The following HS6ST2 variants were observed in gnomAD, a reference collection of about 807,000 sequenced individuals.
HS6ST2 encodes heparan sulfate 6-O-sulfotransferase 2.
In HS6ST2, 17 loss-of-function variants were observed where a neutral mutation model predicts 33.0. The observed-to-expected ratio is 0.52, with a 90% CI of 0.35 to 0.77. HS6ST2 has a LOEUF of 0.77. HS6ST2 is among the 30% of genes least tolerant of loss of function. The pLI is 0.01. For synonymous variants in HS6ST2, 248 were observed against 237.1 expected, an observed-to-expected ratio of 1.05 and a Z score of -0.42; for missense variants, 519 against 551.7, an observed-to-expected ratio of 0.94 and a Z score of 0.59.
rs775137041 is a variant in HS6ST2 at position 132,894,543 on chromosome X, AT to A, written c.947+62264del. On this transcript the variant is annotated intron_variant, in intron 2 of 4. Coordinates refer to ENST00000370833, the MANE Select transcript of HS6ST2 (RefSeq NM_001394073.1). ...ATGTTATGTTATTTATTTTGATGTT[AT>A]TTTCTTTTCTGAGATGGAGTCTTGT... is the stretch of plus-strand genomic sequence containing the variant. Among the ~76,000 whole-genome samples the A allele has an allele frequency of 3.8e-4, 41 of 106,855 alleles. 1 individual carries two copies. In the Middle Eastern group the frequency reaches 0.03, roughly 79 times the overall value. 92.8% of individuals were successfully genotyped at this position (106,855 alleles called of 115,157 possible).
intron 4 of HS6ST2, among the ~76,000 whole-genome samples, chrX:132,648,603 G>A (rs1603291563): frequency 1.8e-5 from 2 of 108,260 alleles, no homozygotes; most frequent in African/African-American, 6.7e-5. Context: ...GTAGGCAGAT[G>A]TAGAACAGTC....
intron 2 of HS6ST2, among the ~76,000 whole-genome samples, chrX:132,765,901 A>T (rs1410072193): frequency 8.9e-6 from 1 of 112,109 alleles, no homozygotes; most frequent in Non-Finnish European, 1.9e-5. Context: ...AAGTTTAGGA[A>T]ACCAAGGCCC....
chrX:132,760,838 A>T (rs925075337), intron 2 of HS6ST2, among the ~76,000 whole-genome samples: 4 of 111,280 alleles, frequency 3.6e-5, no homozygotes, highest in Non-Finnish European at 7.5e-5. Context: ...AGGGAAAAAA[A>T]GGAATTTGAG....
intron 3 of HS6ST2, chrX:132,669,560 C>G (rs1385881139): frequency 8.0e-6 from 1 of 125,401 alleles, no homozygotes; most frequent in Non-Finnish European, 1.6e-5. Context: ...CCTTTCTTTC[C>G]AGGCACTGAA....
chrX:132,943,146 TA>T (rs939466782), intron 2 of HS6ST2, among the ~76,000 whole-genome samples: 10 of 112,162 alleles, frequency 8.9e-5, no homozygotes, highest in African/African-American at 3.2e-4. Context: ...GGTGTTTTTT[TA>T]AAAACAAGCT....
At chrX:132,941,480 G>T (rs1016622343) in intron 2 of HS6ST2, among the ~76,000 whole-genome samples, 6 of 112,155 alleles carry the variant, frequency 5.3e-5, no homozygotes, top group African/African-American at 1.9e-4. Context: ...TAAATAGAAG[G>T]CTCAGTCAAA....
At chrX:132,839,317 C>T (rs5930580) in intron 2 of HS6ST2, among the ~76,000 whole-genome samples, 1,375 of 20,317 alleles carry the variant, frequency 0.068, 19 homozygotes, top group South Asian at 0.18. Flanking sequence ...TATATATATA[C>T]ACACACATGT....
rs770979133 is a variant in HS6ST2, at chrX:132,694,714, T to C, written c.980+13748A>G. 5.4e-5 allele frequency among the ~76,000 whole-genome samples: 6 copies of C among 111,407 alleles called. No individual in the cohort carries two copies. The South Asian group carries it at 2.3e-3, about 43-fold the overall frequency. On this transcript the variant is annotated intron_variant, in intron 3 of 4. Transcript: ENST00000370833. ...CTTTTACAGAAGCCCATGTAAGAAA[T>C]GATGGCGGCTTGGACTAGGATGACA...
intron 2 of HS6ST2, among the ~76,000 whole-genome samples, chrX:132,886,552 A>C: frequency 9.0e-6 from 1 of 111,209 alleles, no homozygotes; most frequent in East Asian, 2.8e-4. Context: ...AATTTGATTA[A>C]AAAATAAATA....
At chrX:132,873,426 C>A (rs2066082541) in intron 2 of HS6ST2, among the ~76,000 whole-genome samples, 1 of 111,850 alleles carries the variant, frequency 8.9e-6, no homozygotes. Context: ...TTTTCCCATG[C>A]CCTCAGACCT....
At chrX:132,728,415 G>C (rs1378828866) in intron 2 of HS6ST2, among the ~76,000 whole-genome samples, 1 of 112,018 alleles carries the variant, frequency 8.9e-6, no homozygotes, top group Non-Finnish European at 1.9e-5. Flanking sequence ...GCTGGTGGGA[G>C]AAACAAAACA....
chrX:132,813,585 G>A (rs1212035370), intron 2 of HS6ST2, among the ~76,000 whole-genome samples: 1 of 111,236 alleles, frequency 9.0e-6, no homozygotes, highest in East Asian at 2.8e-4. Context: ...TCTTATCTCA[G>A]TCCATCAGTT....
At chrX:132,794,955 C>G (rs1226093391) in intron 2 of HS6ST2, among the ~76,000 whole-genome samples, 2 of 110,490 alleles carry the variant, frequency 1.8e-5, no homozygotes, top group Non-Finnish European at 3.8e-5. Flanking sequence ...ATGCATGGGT[C>G]TTTGTCCTGA....
intron 4 of HS6ST2, among the ~76,000 whole-genome samples, chrX:132,649,735 G>C: frequency 9.0e-6 from 1 of 110,767 alleles, no homozygotes; most frequent in Non-Finnish European, 1.9e-5. Context: ...GCGGCCACCT[G>C]TAATCCCAGC....
chrX:132,875,655 G>A (rs1242571634), intron 2 of HS6ST2, among the ~76,000 whole-genome samples: 2 of 112,198 alleles, frequency 1.8e-5, no homozygotes, highest in African/African-American at 6.5e-5. Context: ...GGGGAGCCTC[G>A]ATGAATGGCA....
chrX:132,801,638 GC>G (rs1328285128), intron 2 of HS6ST2, among the ~76,000 whole-genome samples: 151 of 111,429 alleles, frequency 1.4e-3, no homozygotes, highest in African/African-American at 4.4e-3. Context: ...GCTTAGAATG[GC>G]CTTCTCTTGG....
At chrX:132,795,581 T>C (rs1023003644) in intron 2 of HS6ST2, among the ~76,000 whole-genome samples, 6 of 111,682 alleles carry the variant, frequency 5.4e-5, no homozygotes, top group African/African-American at 2.0e-4. Flanking sequence ...CCTAATAGTA[T>C]AGAGAACAAA....
intron 2 of HS6ST2, among the ~76,000 whole-genome samples, chrX:132,764,392 C>A (rs1435430468): frequency 8.9e-6 from 1 of 112,025 alleles, no homozygotes; most frequent in Non-Finnish European, 1.9e-5. Flanking sequence ...TTTGGTAACA[C>A]TAACAAAACA....
At chrX:132,931,913 G>A (rs971066826) in intron 2 of HS6ST2, among the ~76,000 whole-genome samples, 1 of 110,194 alleles carries the variant, frequency 9.1e-6, no homozygotes, top group Non-Finnish European at 1.9e-5. Context: ...AAGGCCAGGC[G>A]AGGTGGCTCA....
Sources: allele counts gnomAD v4.1 joint callset (sites outside exome capture counted in the v4.1 genomes callset), GRCh38; gene constraint gnomAD v4.1.1; transcripts MANE v1.5; gene names NCBI Gene and HGNC (gene_info 2026-07-23, HGNC 2026-07-21).